AKAP3: variants seen among roughly 807,000 people sequenced by gnomAD.
The protein encoded by AKAP3 is A-kinase anchor protein 3.
Under a neutral mutation model 57.2 loss-of-function variants are expected in AKAP3, and 27 were observed. The ratio of observed to expected loss-of-function variants is 0.47; its 90% CI spans 0.35 to 0.65. The LOEUF is 0.65. AKAP3 is among the 30% of genes least tolerant of loss of function. The probability of loss-of-function intolerance (pLI) is 0.01; values close to 1 mark genes in which losing one functional copy is unlikely to be tolerated. For missense variants in AKAP3, 959 were observed against 1,040.0 expected (o/e 0.92, Z 1.07); for synonymous variants, 334 against 392.3 (o/e 0.85, Z 1.76).
chr12:4,623,010 G>C (rs1591817075), intron 5 of AKAP3, among the ~76,000 whole-genome samples: 1 of 152,212 alleles, frequency 6.6e-6, no homozygotes, highest in East Asian at 1.9e-4. Context: ...TGGCCAACAA[G>C]CATATAAAAA....
At chr12:4,638,751 C>T (rs1482611899) in intron 3 of AKAP3, among the ~76,000 whole-genome samples, 2 of 152,218 alleles carry the variant, frequency 1.3e-5, no homozygotes, top group African/African-American at 4.8e-5. Flanking sequence ...GGGGAATTCT[C>T]AGCCTCTATG....
chr12:4,638,066 C>T, intron 4 of AKAP3, 35 bp downstream of exon 4: 1 of 1,509,036 alleles, frequency 6.6e-7, no homozygotes, highest in South Asian at 1.1e-5. Flanking sequence ...CCCCCATATT[C>T]TTAACCTAGT....
intron 4 of AKAP3, among the ~76,000 whole-genome samples, chr12:4,629,507 C>T (rs987378680): frequency 2.0e-5 from 3 of 152,106 alleles, no homozygotes; most frequent in African/African-American, 7.2e-5. Context: ...AGGGAGAGGA[C>T]AAGGAAAAAT....
intron 1 of AKAP3, among the ~76,000 whole-genome samples, chr12:4,646,313 C>T (rs1311783515): frequency 6.6e-6 from 1 of 151,912 alleles, no homozygotes; most frequent in Non-Finnish European, 1.5e-5. Context: ...AGCATGGCCA[C>T]GAGATAATGA....
intron 5 of AKAP3, among the ~76,000 whole-genome samples, chr12:4,623,302 G>A (rs1945367598): frequency 6.6e-6 from 1 of 152,172 alleles, no homozygotes; most frequent in Non-Finnish European, 1.5e-5. Flanking sequence ...AAAGACACAT[G>A]CACGTGGATG....
At chr12:4,633,859 T>A (rs1945531123) in intron 4 of AKAP3, among the ~76,000 whole-genome samples, 2 of 152,018 alleles carry the variant, frequency 1.3e-5, no homozygotes, top group South Asian at 4.2e-4. Context: ...TGATCAATTC[T>A]TTAAACACCT....
chr12:4,641,062 C>T (rs1427800785), intron 3 of AKAP3, among the ~76,000 whole-genome samples: 18 of 68,702 alleles, frequency 2.6e-4, no homozygotes, highest in South Asian at 8.2e-4. Context: ...TTCTAACTTC[C>T]TTTTTTTTTT....
intron 1 of AKAP3, among the ~76,000 whole-genome samples, chr12:4,646,312 A>G (rs1007110604): frequency 9.9e-5 from 15 of 152,140 alleles, no homozygotes; most frequent in Admixed American, 9.8e-4. Context: ...AAGCATGGCC[A>G]CGAGATAATG....
In AKAP3 at chr12:4,639,856, G is replaced by A. The variant is rs1382149105; in HGVS notation, c.1-1660C>T. On this transcript the variant is annotated intron_variant, in intron 3 of 5. Coordinates refer to ENST00000228850, the MANE Select transcript of AKAP3 (RefSeq NM_001278309.2). ...TTTTGAGACAGAGTCTCGCTCTTTCGCCCAGGCCGAACTGCAGTGGCACCA... is the reference window on the plus strand; with the variant it reads ...TTTTGAGACAGAGTCTCGCTCTTTCACCCAGGCCGAACTGCAGTGGCACCA... 4.9e-5 allele frequency among the ~76,000 whole-genome samples: 6 copies of A among 121,720 alleles called. No individual in the cohort carries two copies. In the East Asian group the frequency reaches 9.4e-4, roughly 19 times the overall value. 79.9% of individuals were successfully genotyped at this position (121,720 alleles called of 152,430 possible).
chr12:4,640,713 G>T (rs1945626829), intron 3 of AKAP3, among the ~76,000 whole-genome samples: 3 of 152,170 alleles, frequency 2.0e-5, no homozygotes, highest in Admixed American at 1.3e-4. Flanking sequence ...AGCTAAGGAA[G>T]CAGTTTATTT....
At chr12:4,629,120 T>C (rs1455869120) in intron 4 of AKAP3, among the ~76,000 whole-genome samples, 4 of 152,234 alleles carry the variant, frequency 2.6e-5, no homozygotes, top group African/African-American at 7.2e-5. Context: ...CAGCTAACCA[T>C]TGATGGAGCA....
rs768777194 is a variant in AKAP3 at position 4,615,692 on chromosome 12, A to G, written c.*47T>C. ...GAAGTGAGAAAGAAGGGCGGGGATA[A>G]GGGCCGGCCCCACTGCCAGAAGAGG... On this transcript the variant is annotated 3_prime_UTR_variant, in exon 6 of 6. Transcript: ENST00000228850. 2.3e-5 allele frequency: 36 copies of G among 1,587,678 alleles called. No homozygotes were observed. The highest frequency in any genetic ancestry group is 3.0e-5 in the Non-Finnish European group (35 of 1,163,540).
At chr12:4,641,174 C>T (rs553547249) in intron 3 of AKAP3, among the ~76,000 whole-genome samples, 10 of 146,674 alleles carry the variant, frequency 6.8e-5, no homozygotes, top group Non-Finnish European at 1.3e-4. Flanking sequence ...CCAGGATGCT[C>T]ACCGCAACCT....
intron 5 of AKAP3, among the ~76,000 whole-genome samples, chr12:4,616,902 A>G (rs11063261): frequency 0.15 from 23,156 of 152,150 alleles, 1,830 homozygotes; most frequent in African/African-American, 0.18. Context: ...GATGCAAAAC[A>G]TATCTGAAGA....
chr12:4,620,009 G>GA (rs1945327345), intron 5 of AKAP3, among the ~76,000 whole-genome samples: 1 of 152,200 alleles, frequency 6.6e-6, no homozygotes, highest in Non-Finnish European at 1.5e-5. Context: ...GATAGGGGAT[G>GA]AAAACTGGGA....
intron 4 of AKAP3, among the ~76,000 whole-genome samples, chr12:4,630,153 A>G (rs1047349831): frequency 2.0e-5 from 3 of 152,170 alleles, no homozygotes; most frequent in Non-Finnish European, 2.9e-5. Context: ...CCTTTAAAGA[A>G]CAATTCGGTA....
chr12:4,623,269 A>G (rs1366245311), intron 5 of AKAP3, among the ~76,000 whole-genome samples: 1 of 152,240 alleles, frequency 6.6e-6, no homozygotes, highest in East Asian at 1.9e-4. Flanking sequence ...GTATATCCAA[A>G]GGAATATAAA....
intron 4 of AKAP3, among the ~76,000 whole-genome samples, chr12:4,637,314 G>A (rs1340101030): frequency 6.6e-6 from 1 of 152,218 alleles, no homozygotes; most frequent in Non-Finnish European, 1.5e-5. Context: ...CATGGTCAGA[G>A]CAGGAGGAAA....
At chr12:4,624,593 A>G (rs568176782) in intron 5 of AKAP3, among the ~76,000 whole-genome samples, 64 of 152,300 alleles carry the variant, frequency 4.2e-4, no homozygotes, top group African/African-American at 1.4e-3. Context: ...CAATCACCTG[A>G]ATCAGTATGA....
Sources: allele counts gnomAD v4.1 joint callset (sites outside exome capture counted in the v4.1 genomes callset), GRCh38; gene constraint gnomAD v4.1.1; transcripts MANE v1.5; gene names NCBI Gene and HGNC (gene_info 2026-07-23, HGNC 2026-07-21).